RBPJL: variants seen among roughly 807,000 people sequenced by gnomAD.
RBPJL encodes the protein recombination signal binding protein for immunoglobulin kappa J region like.
A neutral mutation model predicts 57.6 loss-of-function variants in RBPJL; 50 were observed. The ratio of observed to expected loss-of-function variants is 0.87; its 90% confidence interval spans 0.69 to 1.10. RBPJL has a LOEUF of 1.10. Ranked by LOEUF, RBPJL falls within the 50% of genes least tolerant of loss-of-function variation. The pLI is 0.00. For missense variants in RBPJL, 684 were observed against 693.7 expected (o/e 0.99, Z 0.16); for synonymous variants, 303 against 294.4 (o/e 1.03, Z -0.30).
intron 3 of RBPJL, 48 bp from the exon 4 acceptor site, chr20:45,311,541 G>C (rs749272385): frequency 6.3e-7 from 1 of 1,585,640 alleles, no homozygotes; most frequent in Non-Finnish European, 8.7e-7. Context: ...TTACAGGAGA[G>C]CCAAGTGGAG....
chr20:45,311,937 C>G lies in RBPJL; in HGVS notation c.427C>G (p.Gln143Glu). 6.4e-7 allele frequency: 1 copy of G among 1,551,108 alleles called. No individual in the cohort carries two copies. ...ATETQKLNFE[Q>E]QPDSREFGCA... ...TGAGACGCAGAAGCTGAATTTCGAG[C>G]AGCAGCCGGACTCCAGGGTGAGAGC... is the stretch of plus-strand genomic sequence containing the variant. The change falls in exon 5 of 12, where the codon CAG (glutamine) becomes GAG (glutamate). Residue 143 changes from glutamine to glutamate, a missense_variant. Gln to Glu is a conservative substitution (Grantham distance 29). Coordinates refer to ENST00000343694, the MANE Select transcript of RBPJL (RefSeq NM_014276.4).
At chr20:45,307,246 C>G (rs1437482756) in intron 1 of RBPJL, among the ~76,000 whole-genome samples, 1 of 152,122 alleles carries the variant, frequency 6.6e-6, no homozygotes, top group African/African-American at 2.4e-5. Context: ...GGCCAGCTGC[C>G]CCTAACCCAA....
rs563566671 is a variant in RBPJL, at chr20:45,313,258, A to G, written c.620-210A>G. On this transcript the variant is annotated intron_variant, in intron 6 of 11. Transcript: ENST00000343694. ...GGCACTGATAGCACCAACTAACCTT[A>G]ACCCTCACCCTGACCCCCTCCCTCA... Among the ~76,000 whole-genome samples the G allele has an allele frequency of 4.6e-5, 7 of 152,078 alleles. No individual in the cohort carries two copies. In the East Asian group the frequency reaches 1.2e-3, roughly 25 times the overall value.
chr20:45,309,813 T>G (rs902682017), intron 3 of RBPJL, 121 bp downstream of exon 3: 7 of 1,315,018 alleles, frequency 5.3e-6, no homozygotes, highest in Non-Finnish European at 7.2e-6. Context: ...TCTCAGCTAT[T>G]GGTCGACCAG....
chr20:45,316,101 C>G, intron 9 of RBPJL, 86 bp from the exon 10 acceptor site: 1 of 1,378,554 alleles, frequency 7.3e-7, no homozygotes. Flanking sequence ...TTCGGTCTAA[C>G]GCAGAAGCCC....
At position 45,312,170 on chromosome 20, in the gene RBPJL, C is replaced by A. The variant is rs1390526533; in HGVS notation, c.445-51C>A. 3 of 1,612,340 alleles carry A rather than the reference C, an allele frequency of 1.9e-6. No individual in the cohort carries two copies. In the African/African-American group the frequency reaches 4.0e-5, roughly 22 times the overall value. ...CGATATCTGGGAGAGGTTGGTTCAT[C>A]CGACGGGGGAGGGCTGGGATGAGAT... On this transcript the variant is annotated intron_variant, in intron 5 of 11. Transcript: ENST00000343694.
At chr20:45,315,960 AAAG>A (rs1417480441) in intron 9 of RBPJL, 727 of 400,450 alleles carry the variant, frequency 1.8e-3, no homozygotes, top group African/African-American at 0.014. Context: ...AATAAAGAAA[AAAG>A]AAAGAAGAAA....
Position 45,316,599 on chromosome 20 carries a change from G to A in RBPJL, c.1280+19G>A. The A allele has an allele frequency of 6.6e-7, 1 of 1,517,338 alleles. No homozygotes were observed. The highest frequency in any genetic ancestry group is 8.8e-7 in the Non-Finnish European group (1 of 1,130,878). 94.0% of individuals were successfully genotyped at this position (1,517,338 alleles called of 1,614,324 possible). A position where few individuals can be genotyped will look rare whatever the true frequency, so the allele number is the denominator to read the frequency against. The stretch of plus-strand genomic sequence containing the variant: ...TGTACAGGTACGGGGTGGTGAGGCA[G>A]CCTCTCTTGGGCCCCGGGGAGCAGG... On this transcript the variant is annotated intron_variant, in intron 11 of 11. Coordinates refer to ENST00000343694, the MANE Select transcript of RBPJL (RefSeq NM_014276.4).
At position 45,314,425 on chromosome 20, in the gene RBPJL, G is replaced by A; in HGVS notation, c.880G>A (p.Val294Ile). The change falls in exon 9 of 12, where the codon GTA becomes ATA. Residue 294 changes from valine (V) to isoleucine (I), a missense_variant. By Grantham distance (29) the Val-to-Ile change is conservative. Coordinates refer to ENST00000343694, the MANE Select transcript of RBPJL (RefSeq NM_014276.4). ...CCTTCCATTGCAGATCATCCGTAAAGTAGCAAAACAGTGTGCGCTCCTTGA... is the reference window on the plus strand; with the variant it reads ...CCTTCCATTGCAGATCATCCGTAAAATAGCAAAACAGTGTGCGCTCCTTGA... ...ITLPPMIIRK[V>I]AKQCALLDVD... The A allele has an allele frequency of 6.2e-7, 1 of 1,613,674 alleles. No homozygotes were observed. The highest frequency in any genetic ancestry group is 1.3e-5 in the African/African-American group (1 of 75,062).
chr20:45,313,817 T>G (rs1030396745), intron 7 of RBPJL, among the ~76,000 whole-genome samples: 1 of 152,220 alleles, frequency 6.6e-6, no homozygotes, highest in Non-Finnish European at 1.5e-5. Flanking sequence ...TCAACTAAGC[T>G]GCCTGCCCCC....
At chr20:45,308,975 A>G (rs893980901) in intron 2 of RBPJL, among the ~76,000 whole-genome samples, 6 of 152,144 alleles carry the variant, frequency 3.9e-5, no homozygotes, top group African/African-American at 1.4e-4. Flanking sequence ...GAGAAAGGGA[A>G]GAATATGGCT....
Position 45,316,716 on chromosome 20 carries a change from G to T in RBPJL, c.1311G>T (p.Pro437=). ...CGCGGTCCCTGGTGTGCGTGGTGCC[G>T]GACGTGGCGGCCTTCTGCAGCGACT... ...RSPRSLVCVV[P]DVAAFCSDWR... is the part of the protein sequence containing the mutation. The change falls in exon 12 of 12, where the codon CCG becomes CCT. Residue 437 remains proline (P), a synonymous_variant. Coordinates refer to ENST00000343694, the MANE Select transcript of RBPJL (RefSeq NM_014276.4). 8 of 1,611,128 alleles carry T rather than the reference G, an allele frequency of 5.0e-6. No homozygotes were observed. The highest frequency in any genetic ancestry group is 6.8e-6 in the Non-Finnish European group (8 of 1,178,512).
rs139100496 is a variant in RBPJL at position 45,312,291 on chromosome 20, G to C, written c.515G>C (p.Arg172Pro). The change falls in exon 6 of 12, where the codon CGG (arginine) becomes CCG (proline). Residue 172 changes from arginine to proline, a missense_variant. Arg to Pro is a moderately radical substitution (Grantham distance 103). Transcript: ENST00000343694. The part of the protein sequence containing the change: ...DKRKHFRLVL[R>P]LVLRGGRELG... Reference sequence around the variant, plus strand: ...AGGAAGCACTTTCGGCTGGTGCTGCGGCTGGTGCTGCGCGGGGGCCGGGAG... The same window carrying C: ...AGGAAGCACTTTCGGCTGGTGCTGCCGCTGGTGCTGCGCGGGGGCCGGGAG... 20 of 1,614,074 alleles carry C rather than the reference G, an allele frequency of 1.2e-5. No individual in the cohort carries two copies. Among genetic ancestry groups the C allele is most frequent in the Admixed American group, 3.3e-5 (2 of 60,014 alleles).
chr20:45,316,927 C>T lies in RBPJL; in HGVS notation c.1522C>T (p.Arg508Cys), dbSNP rs1258541761. The T allele has an allele frequency of 5.0e-6, 8 of 1,613,030 alleles. No homozygotes were observed. Among genetic ancestry groups the T allele is most frequent in the Non-Finnish European group, 6.8e-6 (8 of 1,179,410 alleles). Residue 508 changes from arginine (R) to cysteine (C), a missense_variant, in exon 12 of 12, where the codon CGC (arginine) becomes TGC (cysteine). Physicochemically the swap from Arg to Cys is radical, Grantham distance 180. Coordinates refer to ENST00000343694, the MANE Select transcript of RBPJL (RefSeq NM_014276.4). ...LLESIHQEFT[R>C]TNFHLFIQT The stretch of plus-strand genomic sequence containing the variant: ...GGAGAGCATCCATCAGGAGTTCACG[C>T]GCACCAACTTCCACCTCTTCATCCA...
intron 6 of RBPJL, among the ~76,000 whole-genome samples, 168 bp downstream of exon 6, chr20:45,312,563 A>C (rs1398167342): frequency 1.3e-5 from 2 of 152,126 alleles, no homozygotes; most frequent in Non-Finnish European, 2.9e-5. Context: ...GGTGCGGCCC[A>C]GGCCTGGGGA....
chr20:45,309,444 C>A, intron 2 of RBPJL, 123 bp from the exon 3 acceptor site: 1 of 1,032,870 alleles, frequency 9.7e-7, no homozygotes, highest in Non-Finnish European at 1.4e-6. Flanking sequence ...TAGAGCAGCC[C>A]CACCCTCCCA....
chr20:45,313,047 T>G (rs1388666035), intron 6 of RBPJL, among the ~76,000 whole-genome samples: 3 of 150,668 alleles, frequency 2.0e-5, no homozygotes, highest in Non-Finnish European at 3.0e-5. Context: ...TTTGTTGAAC[T>G]GAAAGATGTC....
rs1285787977 is a variant in RBPJL at position 45,308,123 on chromosome 20, T to G, written c.23-20T>G. Reference sequence around the variant, plus strand: ...TAAAATACACTCGCCTGACCTGGCTTGATGCCTACTCCCCTGCAGACCCCT... The same window carrying G: ...TAAAATACACTCGCCTGACCTGGCTGGATGCCTACTCCCCTGCAGACCCCT... On this transcript the variant is annotated intron_variant, in intron 1 of 11. Transcript: ENST00000343694. 6.3e-7 allele frequency: 1 copy of G among 1,577,786 alleles called. No homozygotes were observed. The highest frequency in any genetic ancestry group is 1.3e-5 in the African/African-American group (1 of 74,148).
In RBPJL at chr20:45,316,706, GCGTGGTGCCGGA is replaced by G. The variant is rs760122868; in HGVS notation, c.1307_1318del (p.Val436_Val439del). 129 of 1,609,236 alleles carry G rather than the reference GCGTGGTGCCGGA, an allele frequency of 8.0e-5. No homozygotes were observed. The highest frequency in any genetic ancestry group is 1.0e-4 in the Non-Finnish European group (121 of 1,177,776). On this transcript the variant is annotated inframe_deletion, in exon 12 of 12. Coordinates refer to ENST00000343694, the MANE Select transcript of RBPJL (RefSeq NM_014276.4). ...CCCAGGAGCCCGCGGTCCCTGGTGT[GCGTGGTGCCGGA>G]CGTGGCGGCCTTCTGCAGCGACTGG...
Sources: allele counts gnomAD v4.1 joint callset (sites outside exome capture counted in the v4.1 genomes callset), GRCh38; gene constraint gnomAD v4.1.1; transcripts MANE v1.5; gene names NCBI Gene and HGNC (gene_info 2026-07-23, HGNC 2026-07-21).